DPP6: variants seen among roughly 807,000 people sequenced by gnomAD.
DPP6 encodes the protein dipeptidyl peptidase like 6.
Under a neutral mutation model 122.6 loss-of-function variants are expected in DPP6, and 69 were observed. That is an observed-to-expected ratio of 0.56 (90% CI 0.46 to 0.69). The LOEUF (loss-of-function observed/expected upper bound fraction) is 0.69. Ranked by LOEUF, DPP6 falls within the 30% of genes least tolerant of loss-of-function variation. The pLI, the probability that DPP6 is intolerant of heterozygous loss-of-function variation, is 0.00. For missense variants in DPP6, 928 were observed against 1,116.9 expected (o/e 0.83, Z 2.41); for synonymous variants, 418 against 433.1 (o/e 0.97, Z 0.43).
In DPP6 at chr7:154,223,406, C is replaced by CAG. The variant is rs901063672; in HGVS notation, c.243+170353_243+170354dup. Among the ~76,000 whole-genome samples, 9 of 149,164 alleles carry CAG rather than the reference C, an allele frequency of 6.0e-5. 1 individual carries two copies. Among genetic ancestry groups the CAG allele is most frequent in the African/African-American group, 2.3e-4 (9 of 39,098 alleles). On this transcript the variant is annotated intron_variant, in intron 1 of 25. Transcript: ENST00000377770. ...AAATATAGAACTAATGATACCCAGTCAGAGAGAGAGATAAGAATCAAGTGT... is the reference window on the plus strand; with the variant it reads ...AAATATAGAACTAATGATACCCAGTCAGAGAGAGAGAGATAAGAATCAAGTGT...
In DPP6 at chr7:153,986,462, GA is replaced by G. The variant is rs961642658; in HGVS notation, c.51+98735del. 3.3e-5 allele frequency among the ~76,000 whole-genome samples: 5 copies of G among 152,032 alleles called. No homozygotes were observed. The South Asian group carries it at 6.2e-4, about 19-fold the overall frequency. On this transcript the variant is annotated intron_variant, in intron 1 of 25. Coordinates refer to the DPP6 transcript ENST00000404039. ...TATTTGCTTAGATCTTACAGATCTG[GA>G]AAAAAATGCCCTTAAGAAAAGACTA...
chr7:154,260,118 A>G (rs13221607), intron 1 of DPP6, among the ~76,000 whole-genome samples: 1,624 of 152,190 alleles, frequency 0.011, 9 homozygotes, highest in Non-Finnish European at 0.018. Context: ...AGGGGAAGCA[A>G]TGGATGGAAA....
At chr7:153,816,882 C>T in the DPP6 span, among the ~76,000 whole-genome samples, 1 of 152,052 alleles carries the variant, frequency 6.6e-6, no homozygotes, top group Non-Finnish European at 1.5e-5. Context: ...CTCTCCCCGT[C>T]TCCCAACTGT....
chr7:154,026,975 A>G (rs1017716541), intron 1 of DPP6: 45 of 147,164 alleles, frequency 3.1e-4, no homozygotes, highest in African/African-American at 1.1e-3. Flanking sequence ...AATCCAACAC[A>G]TAAAAAGAAA....
intron 8 of DPP6, among the ~76,000 whole-genome samples, chr7:154,729,640 A>G (rs1420145771): frequency 6.6e-6 from 1 of 152,150 alleles, no homozygotes; most frequent in Non-Finnish European, 1.5e-5. Context: ...TCTTCCAGAG[A>G]CTGCCACGGT....
intron 5 of DPP6, among the ~76,000 whole-genome samples, chr7:154,568,412 AC>A (rs1830898875): frequency 6.6e-6 from 1 of 152,236 alleles, no homozygotes; most frequent in East Asian, 1.9e-4. Context: ...TCATCGGAGC[AC>A]CCCGACAGTG....
At chr7:153,832,330 C>T in the DPP6 span, among the ~76,000 whole-genome samples, 1 of 152,192 alleles carries the variant, frequency 6.6e-6, no homozygotes, top group South Asian at 2.1e-4. Flanking sequence ...TCAAAATCTC[C>T]AGCCACGAGG....
chr7:154,385,490 T>A (rs1814026859), intron 1 of DPP6, among the ~76,000 whole-genome samples: 1 of 152,190 alleles, frequency 6.6e-6, no homozygotes, highest in South Asian at 2.1e-4. Flanking sequence ...AAGTCCCTCA[T>A]CTGTCAATCA....
At chr7:153,989,765 GC>G in intron 1 of DPP6, among the ~76,000 whole-genome samples, 1 of 152,088 alleles carries the variant, frequency 6.6e-6, no homozygotes. Flanking sequence ...TGCGAGGTTT[GC>G]CACGTGTTAT....
rs578133474 is a variant in DPP6 at position 154,104,863 on chromosome 7, C to CTG, written c.243+51809_243+51810dup. On this transcript the variant is annotated intron_variant, in intron 1 of 25. Transcript: ENST00000377770. ...TGAGGCTGGGAGTCGTGGCATACCT[C>CTG]TGTGTGTGTGCCTACATAACAAACA... Among the ~76,000 whole-genome samples the CTG allele has an allele frequency of 3.6e-4, 55 of 152,058 alleles. 2 individuals carry two copies. The South Asian group carries it at 0.011, about 30-fold the overall frequency.
chr7:154,867,963 A>T, intron 17 of DPP6, 32 bp from the exon 18 acceptor site: 1 of 1,563,318 alleles, frequency 6.4e-7, no homozygotes. Flanking sequence ...TGACCACTGC[A>T]TCTCAGTGTG....
upstream of DPP6, among the ~76,000 whole-genome samples, chr7:154,050,799 T>A (rs1800261044): frequency 1.4e-5 from 2 of 138,112 alleles, no homozygotes; most frequent in African/African-American, 2.8e-5. Context: ...TGCTATTTTT[T>A]AAAGTGTTTT....
chr7:154,077,043 CACTATAAAATGTTTT>C (rs1803607948), intron 1 of DPP6, among the ~76,000 whole-genome samples: 1 of 152,158 alleles, frequency 6.6e-6, no homozygotes, highest in Non-Finnish European at 1.5e-5. Context: ...ATATAGGAAA[CACTATAAAATGTTTT>C]AAAACAATAC....
chr7:154,011,972 GAACA>G (rs1798173002), intron 1 of DPP6, among the ~76,000 whole-genome samples: 1 of 152,180 alleles, frequency 6.6e-6, no homozygotes, highest in Admixed American at 6.5e-5. Flanking sequence ...CAAAATGATA[GAACA>G]ATAACAATGT....
chr7:154,764,264 T>C (rs1002585354), intron 8 of DPP6, among the ~76,000 whole-genome samples: 9 of 152,138 alleles, frequency 5.9e-5, no homozygotes, highest in Admixed American at 5.9e-4. Context: ...AGGAGCTTCA[T>C]CTGATGTTAT....
At chr7:154,338,533 C>T (rs1456579409) in intron 1 of DPP6, among the ~76,000 whole-genome samples, 1 of 152,066 alleles carries the variant, frequency 6.6e-6, no homozygotes. Context: ...GAAGAAGAAC[C>T]AATTAACTAT....
the DPP6 span, among the ~76,000 whole-genome samples, chr7:153,805,684 A>G: frequency 2.0e-5 from 3 of 152,186 alleles, no homozygotes; most frequent in East Asian, 1.9e-4. Context: ...TAAAAATCAT[A>G]AGTTCATGTC....
intron 1 of DPP6, among the ~76,000 whole-genome samples, chr7:154,388,748 G>A (rs986624054): frequency 5.3e-5 from 8 of 152,090 alleles, no homozygotes; most frequent in Admixed American, 2.0e-4. Flanking sequence ...GGGGTGGAGC[G>A]TTGACCAGGC....
intron 1 of DPP6, among the ~76,000 whole-genome samples, chr7:154,086,015 C>T (rs1187957617): frequency 7.9e-5 from 12 of 151,934 alleles, no homozygotes; most frequent in East Asian, 7.8e-4. Flanking sequence ...CGTGAGCCAC[C>T]GCACCCAGCC....
Sources: gnomAD v4.1 joint callset for allele counts (sites outside exome capture counted in the v4.1 genomes callset) on GRCh38, gnomAD v4.1.1 for gene constraint, MANE v1.5 for transcripts, NCBI Gene and HGNC (gene_info 2026-07-23, HGNC 2026-07-21) for gene names.